The following CNTNAP5 variants were observed in gnomAD, a reference collection of about 807,000 sequenced individuals.
CNTNAP5 encodes the protein contactin-associated protein-like 5.
CNTNAP5 carries 72 observed loss-of-function variants against 150.2 expected under a neutral mutation model. That is an observed-to-expected ratio of 0.48 (90% CI 0.40 to 0.58). The LOEUF is 0.58. Among genes scored for constraint, CNTNAP5 ranks in the 20% least tolerant of loss-of-function variants. The probability of loss-of-function intolerance (pLI) is 0.00; values close to 1 mark genes in which losing one functional copy is unlikely to be tolerated. For missense variants in CNTNAP5, 1,636 were observed against 1,626.2 expected (o/e 1.01, Z -0.10); for synonymous variants, 672 against 619.8 (o/e 1.08, Z -1.25).
chr2:124,162,256 G>A (rs1684699547), intron 1 of CNTNAP5, among the ~76,000 whole-genome samples: 2 of 152,152 alleles, frequency 1.3e-5, no homozygotes, highest in Non-Finnish European at 2.9e-5. Flanking sequence ...TGAAGTATAG[G>A]ACACTGGAGT....
At chr2:124,753,425 A>G (rs1369251456) in intron 14 of CNTNAP5, among the ~76,000 whole-genome samples, 2 of 152,238 alleles carry the variant, frequency 1.3e-5, no homozygotes, top group Non-Finnish European at 2.9e-5. Flanking sequence ...AGGTCAGGCC[A>G]TAGCCATGAT....
intron 1 of CNTNAP5, among the ~76,000 whole-genome samples, chr2:124,030,630 C>A (rs1390974593): frequency 6.6e-6 from 1 of 151,904 alleles, no homozygotes; most frequent in Non-Finnish European, 1.5e-5. Context: ...GTTAGCACCA[C>A]AGCCAACTCC....
chr2:124,630,856 G>A (rs1464261133), intron 12 of CNTNAP5, among the ~76,000 whole-genome samples: 1 of 152,152 alleles, frequency 6.6e-6, no homozygotes, highest in East Asian at 1.9e-4. Context: ...TTCTTAAGCT[G>A]ATAAGCAACT....
At chr2:124,365,127 G>A (rs62171031) in intron 3 of CNTNAP5, among the ~76,000 whole-genome samples, 9,767 of 152,084 alleles carry the variant, frequency 0.064, 453 homozygotes, top group Non-Finnish European at 0.1. Context: ...CCTGGAAAGG[G>A]TAGTAAGACC....
intron 13 of CNTNAP5, among the ~76,000 whole-genome samples, chr2:124,658,448 T>A (rs1257229073): frequency 6.6e-6 from 1 of 152,096 alleles, no homozygotes; most frequent in Non-Finnish European, 1.5e-5. Context: ...GTTTATTACT[T>A]TTTTGTCACA....
chr2:124,740,033 T>C (rs1680465279), intron 13 of CNTNAP5, among the ~76,000 whole-genome samples: 1 of 151,618 alleles, frequency 6.6e-6, no homozygotes, highest in Non-Finnish European at 1.5e-5. Context: ...AACCATTGAA[T>C]ATAATATATG....
At chr2:124,520,757 AG>A (rs1282383047) in intron 8 of CNTNAP5, among the ~76,000 whole-genome samples, 1 of 152,118 alleles carries the variant, frequency 6.6e-6, no homozygotes, top group Non-Finnish European at 1.5e-5. Context: ...TCGGCCTAAA[AG>A]GTGTTGCTTT....
At chr2:124,298,425 A>C (rs1688493985) in intron 3 of CNTNAP5, among the ~76,000 whole-genome samples, 1 of 152,110 alleles carries the variant, frequency 6.6e-6, no homozygotes, top group Non-Finnish European at 1.5e-5. Flanking sequence ...AAAATTACGA[A>C]GTTTTCCAGA....
chr2:124,512,913 A>T, intron 8 of CNTNAP5, among the ~76,000 whole-genome samples: 1 of 152,194 alleles, frequency 6.6e-6, no homozygotes, highest in East Asian at 1.9e-4. Flanking sequence ...ATTAAATAAA[A>T]TATGTCATCC....
chr2:124,181,555 C>T (rs1170423272), intron 1 of CNTNAP5, among the ~76,000 whole-genome samples: 1 of 152,036 alleles, frequency 6.6e-6, no homozygotes, highest in African/African-American at 2.4e-5. Flanking sequence ...GTTGATCTAG[C>T]TAACAGGTTA....
At chr2:124,084,223 G>T (rs1282344644) in intron 1 of CNTNAP5, among the ~76,000 whole-genome samples, 1 of 150,820 alleles carries the variant, frequency 6.6e-6, no homozygotes, top group Non-Finnish European at 1.5e-5. Context: ...CTTGAATTCT[G>T]CAACCTTTTT....
At position 124,429,653 on chromosome 2, in the gene CNTNAP5, G is replaced by A. The variant is rs757456164; in HGVS notation, c.530-4831G>A. ...CTCTTATCAGGTACTGGTGGTGGTC[G>A]GAGGAAAGCTCCCGCACCCCACCAG... On this transcript the variant is annotated intron_variant, in intron 4 of 23. Coordinates refer to ENST00000682447, the MANE Select transcript of CNTNAP5 (RefSeq NM_001367498.1). Among the ~76,000 whole-genome samples the A allele has an allele frequency of 5.6e-4, 85 of 152,208 alleles. 2 individuals carry two copies. Among genetic ancestry groups the A allele is most frequent in the Middle Eastern group, 3.4e-3 (1 of 294 alleles).
chr2:124,401,316 A>C (rs1032816809), intron 3 of CNTNAP5, among the ~76,000 whole-genome samples: 1 of 152,222 alleles, frequency 6.6e-6, no homozygotes, highest in Non-Finnish European at 1.5e-5. Context: ...GCCTTCAAGA[A>C]CAATTTCTCT....
At chr2:124,653,651 A>G (rs553637350) in intron 13 of CNTNAP5, among the ~76,000 whole-genome samples, 19 of 148,394 alleles carry the variant, frequency 1.3e-4, no homozygotes, top group Non-Finnish European at 2.1e-4. Flanking sequence ...ATTGTGATGT[A>G]GAAAAGTCAA....
intron 8 of CNTNAP5, among the ~76,000 whole-genome samples, chr2:124,517,292 TTGGTGATGGAGGGTTGTGA>T (rs201538822): frequency 0.015 from 2,267 of 148,894 alleles, 94 homozygotes; most frequent in Admixed American, 0.081. Context: ...GGTTGTGGTG[TTGGTGATGGAGGGTTGTGA>T]TGGTGATGGA....
At chr2:124,336,087 G>GT (rs113386942) in intron 3 of CNTNAP5, among the ~76,000 whole-genome samples, 239 of 152,140 alleles carry the variant, frequency 1.6e-3, no homozygotes, top group African/African-American at 5.4e-3. Flanking sequence ...CGTAGTAAAT[G>GT]TTTTTTATGA....
intron 11 of CNTNAP5, among the ~76,000 whole-genome samples, chr2:124,564,642 C>T (rs1416401144): frequency 6.6e-6 from 1 of 152,186 alleles, no homozygotes; most frequent in East Asian, 1.9e-4. Context: ...GCCTGAGCCA[C>T]TGTGCCCAGC....
At chr2:124,063,646 A>G (rs1682071700) in intron 1 of CNTNAP5, among the ~76,000 whole-genome samples, 2 of 152,180 alleles carry the variant, frequency 1.3e-5, no homozygotes, top group East Asian at 1.9e-4. Context: ...AAGTCCTTCT[A>G]TATGTCTGGC....
At chr2:124,679,238 C>G (rs1477194189) in intron 13 of CNTNAP5, among the ~76,000 whole-genome samples, 1 of 151,774 alleles carries the variant, frequency 6.6e-6, no homozygotes, top group Non-Finnish European at 1.5e-5. Context: ...TGAATTGAGC[C>G]AAGAGCTAGC....
Sources: allele counts gnomAD v4.1 joint callset (sites outside exome capture counted in the v4.1 genomes callset), GRCh38; gene constraint gnomAD v4.1.1; transcripts MANE v1.5; gene names NCBI Gene and HGNC (gene_info 2026-07-23, HGNC 2026-07-21).